The following HLA-DRB1 variants were observed in gnomAD, a reference collection of about 807,000 sequenced individuals.
HLA-DRB1 encodes major histocompatibility complex, class II, DR beta 1.
HLA-DRB1 carries 10 observed loss-of-function variants against 27.9 expected under a neutral mutation model. That is an observed-to-expected ratio of 0.36 (90% CI 0.22 to 0.61). HLA-DRB1 has a LOEUF of 0.61. Ranked by LOEUF, HLA-DRB1 falls within the 20% of genes least tolerant of loss-of-function variation. The probability of loss-of-function intolerance (pLI) is 0.73; values close to 1 mark genes in which losing one functional copy is unlikely to be tolerated. For synonymous variants in HLA-DRB1, 57 were observed against 126.7 expected (o/e 0.45, Z 3.69); for missense variants, 118 against 306.3 (o/e 0.39, Z 4.59).
intron 1 of HLA-DRB1, among the ~76,000 whole-genome samples, chr6:32,587,540 C>T (rs1165303522): frequency 0.035 from 3,141 of 89,150 alleles, 168 homozygotes; most frequent in East Asian, 0.063. Context: ...TACATCAGCC[C>T]CTCTAGCTTT....
intron 3 of HLA-DRB1, among the ~76,000 whole-genome samples, 153 bp from the exon 4 acceptor site, chr6:32,581,009 T>C (rs9269773): frequency 0.7 from 47,848 of 67,968 alleles, 20,083 homozygotes; most frequent in Middle Eastern, 0.79. Context: ...GATTTCAAAT[T>C]ACACTGAACA....
At chr6:32,581,286 CTGG>C (rs1775434097) in intron 3 of HLA-DRB1, among the ~76,000 whole-genome samples, 1,421 of 61,338 alleles carry the variant, frequency 0.023, no homozygotes, top group Admixed American at 0.05. Context: ...GGCCTGGAGC[CTGG>C]GAGAGTGGGT....
intron 2 of HLA-DRB1, among the ~76,000 whole-genome samples, chr6:32,582,910 C>T (rs1775770423): frequency 7.8e-6 from 1 of 128,134 alleles, no homozygotes; most frequent in Non-Finnish European, 1.7e-5. Context: ...AACAATGCCA[C>T]AAAATGGCAG....
chr6:32,589,246 C>G (rs373654126), intron 1 of HLA-DRB1, among the ~76,000 whole-genome samples: 1 of 129,828 alleles, frequency 7.7e-6, no homozygotes, highest in Non-Finnish European at 1.7e-5. Flanking sequence ...AGGAGAGACC[C>G]TTTGAATTCC....
In HLA-DRB1 at chr6:32,584,170, C is replaced by CTG. The variant is rs772090580; in HGVS notation, c.308_309insCA (p.Val104ArgfsTer26). On this transcript the variant is annotated frameshift_variant, in exon 2 of 6. Transcript: ENST00000360004. LOFTEE classifies it high-confidence loss of function. The stretch of plus-strand genomic sequence containing the variant: ...AGTTGTGTCTGCAGTAGGTGTCCAC[C>CTG]GCGGCCCGCGCCTGCTCCAGGATGT... 31 of 1,148,568 alleles carry CTG rather than the reference C, an allele frequency of 2.7e-5. No homozygotes were observed. Among genetic ancestry groups the CTG allele is most frequent in the Middle Eastern group, 2.1e-4 (1 of 4,756 alleles). 71.1% of individuals were successfully genotyped at this position (1,148,568 alleles called of 1,614,324 possible). A position where few individuals can be genotyped will look rare whatever the true frequency, so the allele number is the denominator to read the frequency against.
rs1464597336 is a variant in HLA-DRB1 at position 32,586,181 on chromosome 6, C to G, written c.101-1803G>C. On this transcript the variant is annotated intron_variant, in intron 1 of 5. Transcript: ENST00000360004. The stretch of plus-strand genomic sequence containing the variant: ...TGAGCATCTCTGGTTCACAGGTCCT[C>G]CTCCTTCTCTTCAGCTTCTTTAGCC... Among the ~76,000 whole-genome samples the G allele has an allele frequency of 1.6e-4, 18 of 111,808 alleles. No homozygotes were observed. The East Asian group carries it at 3.3e-3, about 20-fold the overall frequency. 73.4% of individuals were successfully genotyped at this position (111,808 alleles called of 152,430 possible).
chr6:32,586,557 G>A (rs112814602), intron 1 of HLA-DRB1, among the ~76,000 whole-genome samples: 11,041 of 51,818 alleles, frequency 0.21, 3,050 homozygotes, highest in Admixed American at 0.33. Flanking sequence ...GCTGGCCTGT[G>A]CCCTGTTCTT....
chr6:32,581,082 A>G lies in HLA-DRB1; in HGVS notation c.653-226T>C, dbSNP rs796688439. ...CAGCCTTGATGTAAGGCACAAGTTCAACATCTGATCCACAGAAAGCCTGAG... is the reference window on the plus strand; with the variant it reads ...CAGCCTTGATGTAAGGCACAAGTTCGACATCTGATCCACAGAAAGCCTGAG... On this transcript the variant is annotated intron_variant, in intron 3 of 5. Coordinates refer to ENST00000360004, the Ensembl canonical transcript of HLA-DRB1. Among the ~76,000 whole-genome samples, 586 of 78,378 alleles carry G rather than the reference A, an allele frequency of 7.5e-3. 14 individuals carry two copies. Among genetic ancestry groups the G allele is most frequent in the East Asian group, 0.011 (28 of 2,624 alleles). The allele number at this position is 78,378 out of a possible 152,430, so 51.4% of individuals were successfully genotyped here.
At position 32,587,179 on chromosome 6, in the gene HLA-DRB1, G is replaced by A. The variant is rs41287331; in HGVS notation, c.100+2464C>T. On this transcript the variant is annotated intron_variant, in intron 1 of 5. Transcript: ENST00000360004. ...GGGCGGATCACGAGGTCAGGAGATC[G>A]AGACCATCCTGGCTAACACGGTGAA... Among the ~76,000 whole-genome samples the A allele has an allele frequency of 3.9e-5, 2 of 51,944 alleles. 1 individual carries two copies. Among genetic ancestry groups the A allele is most frequent in the Non-Finnish European group, 7.8e-5 (2 of 25,704 alleles). The allele number at this position is 51,944 out of a possible 152,430, so 34.1% of individuals were successfully genotyped here.
At chr6:32,583,717 C>T (rs72850279) in intron 2 of HLA-DRB1, among the ~76,000 whole-genome samples, 15,136 of 62,184 alleles carry the variant, frequency 0.24, 5,457 homozygotes, top group Non-Finnish European at 0.26. Flanking sequence ...TTCACCCCAA[C>T]CACACACACC....
At chr6:32,584,708 A>ACCCCG (rs1776139273) in intron 1 of HLA-DRB1, among the ~76,000 whole-genome samples, 1 of 23,098 alleles carries the variant, frequency 4.3e-5, no homozygotes, top group Admixed American at 6.5e-4. Flanking sequence ...TGGGAGCCCC[A>ACCCCG]AAGACACTCT....
chr6:32,588,004 C>T (rs35945967), intron 1 of HLA-DRB1, among the ~76,000 whole-genome samples: 1 of 150,920 alleles, frequency 6.6e-6, no homozygotes, highest in South Asian at 2.1e-4. Context: ...AGAAGGGGCT[C>T]AAGCTCCAGC....
intron 1 of HLA-DRB1, among the ~76,000 whole-genome samples, chr6:32,585,997 CAT>C (rs1776327759): frequency 8.7e-6 from 1 of 114,666 alleles, no homozygotes. Context: ...TTTATCACTC[CAT>C]TCTCATGACC....
At chr6:32,580,997 A>C in intron 3 of HLA-DRB1, 141 bp from the exon 4 acceptor site, 1 of 578,144 alleles carries the variant, frequency 1.7e-6, no homozygotes, top group Non-Finnish European at 2.8e-6. Flanking sequence ...GGAGAAAAAA[A>C]GGATTTCAAA....
chr6:32,585,567 ATTT>A (rs142265123), intron 1 of HLA-DRB1, among the ~76,000 whole-genome samples: 15,021 of 136,092 alleles, frequency 0.11, 1,167 homozygotes, highest in Non-Finnish European at 0.12. Flanking sequence ...AGCTCATATT[ATTT>A]TTTGTATTCC....
chr6:32,578,870 CA>C, exon 6 of HLA-DRB1: 1 of 454,268 alleles, frequency 2.2e-6, no homozygotes, highest in Non-Finnish European at 4.1e-6. Context: ...AAGGGGAGCA[CA>C]AAAGTTGAAG....
exon 1 of HLA-DRB1, chr6:32,589,840 G>T (rs9270314): frequency 0.13 from 35,886 of 272,728 alleles, 123 homozygotes; most frequent in East Asian, 0.17. Flanking sequence ...TTATAGGGAG[G>T]AAGTTACTGA....
chr6:32,581,233 C>T lies in HLA-DRB1; in HGVS notation c.652+324G>A, dbSNP rs1430315061. On this transcript the variant is annotated intron_variant, in intron 3 of 5. Coordinates refer to ENST00000360004, the Ensembl canonical transcript of HLA-DRB1. Reference sequence around the variant, plus strand: ...TCTTCCCAGATCACAAAAAATAACTCAGAGCAACAGCACCAGAAACTCAGT... The same window carrying T: ...TCTTCCCAGATCACAAAAAATAACTTAGAGCAACAGCACCAGAAACTCAGT... Among the ~76,000 whole-genome samples the T allele has an allele frequency of 1.1e-4, 11 of 104,052 alleles. 1 individual carries two copies. The highest frequency in any genetic ancestry group is 3.5e-4 in the African/African-American group (9 of 25,638). The allele number at this position is 104,052 out of a possible 152,430, so 68.3% of individuals were successfully genotyped here.
rs113301657 is a variant in HLA-DRB1 at position 32,588,769 on chromosome 6, T to G, written c.100+874A>C. Among the ~76,000 whole-genome samples the G allele has an allele frequency of 3.0e-3, 204 of 68,196 alleles. 24 individuals are homozygous for G. Among genetic ancestry groups the G allele is most frequent in the African/African-American group, 0.012 (197 of 16,714 alleles). The allele number at this position is 68,196 out of a possible 152,430, so 44.7% of individuals were successfully genotyped here. ...AGTTTGAACATTATTAAATTTCTGA[T>G]AGTTGATTATTTTTGACTTAAAAAA... On this transcript the variant is annotated intron_variant, in intron 1 of 5. Transcript: ENST00000360004.
Sources: gnomAD v4.1 joint callset for allele counts (sites outside exome capture counted in the v4.1 genomes callset) on GRCh38, gnomAD v4.1.1 for gene constraint, MANE v1.5 for transcripts, NCBI Gene and HGNC (gene_info 2026-07-23, HGNC 2026-07-21) for gene names.